Variants in CDH13 observed in about 807,000 individuals in gnomAD.
The protein encoded by CDH13 is cadherin-13.
CDH13 carries 24 observed loss-of-function variants against 63.8 expected under a neutral mutation model. The ratio of observed to expected loss-of-function variants is 0.38; its 90% confidence interval spans 0.27 to 0.53. The LOEUF (loss-of-function observed/expected upper bound fraction) is 0.53, where lower values mean the gene tolerates loss of function less well. Ranked by LOEUF, CDH13 falls within the 20% of genes least tolerant of loss-of-function variation. The pLI is 0.85. For missense variants in CDH13, 1,049 were observed against 903.1 expected, an observed-to-expected ratio of 1.16 and a Z score of -2.07; for synonymous variants, 503 against 355.3, an observed-to-expected ratio of 1.42 and a Z score of -4.67.
chr16:82,973,134 C>G (rs1035113603), intron 2 of CDH13, among the ~76,000 whole-genome samples: 1 of 152,236 alleles, frequency 6.6e-6, no homozygotes, highest in Non-Finnish European at 1.5e-5. Context: ...CAATTAAATG[C>G]TGTCTTACAA....
At chr16:82,661,102 A>G (rs1371467786) in intron 1 of CDH13, among the ~76,000 whole-genome samples, 1 of 152,178 alleles carries the variant, frequency 6.6e-6, no homozygotes, top group Non-Finnish European at 1.5e-5. Flanking sequence ...GGCCGGTGTG[A>G]TGTTTCATGC....
rs531914275 is a variant in CDH13 at position 83,059,460 on chromosome 16, G to A, written c.366+27242G>A. On this transcript the variant is annotated intron_variant, in intron 3 of 13. Transcript: ENST00000567109. ...GTGTGCTCAAAAAGAACTGTCCAGT[G>A]CAGCTGCTGCTGAAATCAGAGGTGA... is the stretch of plus-strand genomic sequence containing the variant. Among the ~76,000 whole-genome samples, 3 of 152,282 alleles carry A rather than the reference G, an allele frequency of 2.0e-5. No homozygotes were observed. In the South Asian group the frequency reaches 6.2e-4, roughly 32 times the overall value.
At chr16:83,020,517 A>T (rs1338473169) in intron 2 of CDH13, among the ~76,000 whole-genome samples, 1 of 152,200 alleles carries the variant, frequency 6.6e-6, no homozygotes, top group Non-Finnish European at 1.5e-5. Flanking sequence ...TACTCCACTC[A>T]AAAATGGGGC....
intron 1 of CDH13, chr16:82,829,264 G>A (rs911358629): frequency 2.6e-5 from 4 of 152,224 alleles, no homozygotes; most frequent in Non-Finnish European, 4.4e-5. Flanking sequence ...TTCTACCCCA[G>A]GGTTCTTCTC....
At chr16:83,685,536 G>C (rs533097985) in intron 10 of CDH13, among the ~76,000 whole-genome samples, 1 of 152,332 alleles carries the variant, frequency 6.6e-6, no homozygotes, top group South Asian at 2.1e-4. Context: ...TGTGCTAGGT[G>C]CTGTAAATTC....
At chr16:83,200,043 C>A (rs992508267) in intron 4 of CDH13, among the ~76,000 whole-genome samples, 5 of 152,180 alleles carry the variant, frequency 3.3e-5, no homozygotes, top group African/African-American at 1.2e-4. Flanking sequence ...CAGATTTAAG[C>A]AGAGATCCCT....
intron 1 of CDH13, among the ~76,000 whole-genome samples, chr16:82,667,059 A>C (rs1177561164): frequency 6.6e-6 from 1 of 152,184 alleles, no homozygotes; most frequent in African/African-American, 2.4e-5. Flanking sequence ...CTGACAAAGG[A>C]ATCAGCTGTT....
chr16:83,165,015 ACT>A (rs1436867816), intron 4 of CDH13, among the ~76,000 whole-genome samples: 3 of 149,548 alleles, frequency 2.0e-5, no homozygotes, highest in Admixed American at 6.7e-5. Flanking sequence ...TGGCCAGCAC[ACT>A]CTCTGCCCAG....
intron 3 of CDH13, among the ~76,000 whole-genome samples, chr16:83,039,836 C>T (rs1917183253): frequency 6.6e-6 from 1 of 152,142 alleles, no homozygotes; most frequent in South Asian, 2.1e-4. Flanking sequence ...TCTGTCTGGA[C>T]ATTGTTCCTT....
At chr16:83,623,112 AG>A (rs1298441397) in intron 8 of CDH13, among the ~76,000 whole-genome samples, 5 of 152,154 alleles carry the variant, frequency 3.3e-5, no homozygotes, top group African/African-American at 1.2e-4. Context: ...GGGTGGTACA[AG>A]GTTAGCACAA....
chr16:82,917,453 C>T (rs899526280), intron 2 of CDH13, among the ~76,000 whole-genome samples: 1 of 152,050 alleles, frequency 6.6e-6, no homozygotes, highest in Non-Finnish European at 1.5e-5. Flanking sequence ...GGCTATCTAA[C>T]TGTGAAAACC....
At chr16:83,004,525 G>C (rs1036037893) in intron 2 of CDH13, among the ~76,000 whole-genome samples, 3 of 151,876 alleles carry the variant, frequency 2.0e-5, no homozygotes, top group Non-Finnish European at 2.9e-5. Context: ...TTTTTCCCAA[G>C]ACTGAGTCTC....
At chr16:83,732,038 A>G (rs1030493844) in intron 10 of CDH13, among the ~76,000 whole-genome samples, 1 of 152,194 alleles carries the variant, frequency 6.6e-6, no homozygotes, top group African/African-American at 2.4e-5. Flanking sequence ...TGGTTTATTT[A>G]TTTATTCAAA....
intron 7 of CDH13, among the ~76,000 whole-genome samples, chr16:83,509,544 G>C (rs1324025047): frequency 6.6e-6 from 1 of 152,202 alleles, no homozygotes; most frequent in African/African-American, 2.4e-5. Context: ...TGGTGGGCCA[G>C]ATTTGTCCCA....
intron 5 of CDH13, among the ~76,000 whole-genome samples, chr16:83,249,658 G>C (rs1905294687): frequency 6.6e-6 from 1 of 152,180 alleles, no homozygotes; most frequent in Non-Finnish European, 1.5e-5. Context: ...TAGATTTGTA[G>C]CAGAAACCTG....
Position 83,191,505 on chromosome 16 carries a change from A to ATATATG in CDH13, c.484-25840_484-25839insTATATG, listed in dbSNP as rs1491422081. Among the ~76,000 whole-genome samples the ATATATG allele has an allele frequency of 1.9e-3, 137 of 73,956 alleles. 1 individual carries two copies. The highest frequency in any genetic ancestry group is 5.8e-3 in the African/African-American group (130 of 22,564). 48.5% of individuals were successfully genotyped at this position (73,956 alleles called of 152,430 possible). A position where few individuals can be genotyped will look rare whatever the true frequency, so the allele number is the denominator to read the frequency against. ...TATATATATGCACATATATATATAT[A>ATATATG]CACACACACACACACACACACACAC... On this transcript the variant is annotated intron_variant, in intron 4 of 13. Transcript: ENST00000567109.
chr16:82,679,802 A>C (rs1365335292), intron 1 of CDH13, among the ~76,000 whole-genome samples: 1 of 152,220 alleles, frequency 6.6e-6, no homozygotes, highest in Non-Finnish European at 1.5e-5. Flanking sequence ...ACTATGTTTG[A>C]ACAGATTTCA....
intron 6 of CDH13, among the ~76,000 whole-genome samples, chr16:83,380,352 C>G (rs1283921200): frequency 6.6e-6 from 1 of 152,084 alleles, no homozygotes; most frequent in South Asian, 2.1e-4. Context: ...AAATATGAAA[C>G]TGAAGAAGGA....
intron 1 of CDH13, among the ~76,000 whole-genome samples, chr16:82,695,804 C>T (rs1296017033): frequency 6.6e-6 from 1 of 152,168 alleles, no homozygotes; most frequent in Non-Finnish European, 1.5e-5. Flanking sequence ...AGCTGAATAA[C>T]TTTTAGGTTT....
Sources: allele counts gnomAD v4.1 joint callset (sites outside exome capture counted in the v4.1 genomes callset), GRCh38; gene constraint gnomAD v4.1.1; transcripts MANE v1.5; gene names NCBI Gene and HGNC (gene_info 2026-07-23, HGNC 2026-07-21).